CTNNA3: variants seen among roughly 807,000 people sequenced by gnomAD.
CTNNA3 encodes the protein catenin alpha-3.
A neutral mutation model predicts 95.7 loss-of-function variants in CTNNA3; 76 were observed. That is an observed-to-expected ratio of 0.79 (90% confidence interval 0.66 to 0.96). The LOEUF (loss-of-function observed/expected upper bound fraction) is 0.96. CTNNA3 is among the 40% of genes least tolerant of loss of function. CTNNA3 has a pLI of 0.00. For synonymous variants in CTNNA3, 431 were observed against 374.4 expected (o/e 1.15, Z -1.74); for missense variants, 1,191 against 1,089.8 (o/e 1.09, Z -1.31).
chr10:66,743,974 C>CAAAAAAAAA lies in CTNNA3; in HGVS notation c.1281+22281_1281+22289dup, dbSNP rs536825430. ...CTGGTGACACAGTGAGATTCCATCT[C>CAAAAAAAAA]AAAAAAAAAAAAAAAAAAAAAAAAA... is the stretch of plus-strand genomic sequence containing the variant. On this transcript the variant is annotated intron_variant, in intron 9 of 17. Transcript: ENST00000433211. Among the ~76,000 whole-genome samples the CAAAAAAAAA allele has an allele frequency of 4.4e-5, 2 of 45,058 alleles. 1 individual carries two copies. The highest frequency in any genetic ancestry group is 8.5e-5 in the Non-Finnish European group (2 of 23,492). The allele number at this position is 45,058 out of a possible 152,430, so 29.6% of individuals were successfully genotyped here.
At chr10:67,346,717 C>A (rs768488085) in intron 5 of CTNNA3, 1 of 511,956 alleles carries the variant, frequency 2.0e-6, no homozygotes, top group Non-Finnish European at 3.9e-6. Context: ...TAGAAATAAT[C>A]CAAATTTCTT....
At chr10:65,922,320 A>G (rs2077100290) in intron 17 of CTNNA3, among the ~76,000 whole-genome samples, 1 of 152,142 alleles carries the variant, frequency 6.6e-6, no homozygotes, top group Non-Finnish European at 1.5e-5. Context: ...CAGGAGCAAT[A>G]GAGTATCTTA....
chr10:66,801,206 A>G (rs1433405992), intron 7 of CTNNA3, among the ~76,000 whole-genome samples: 2 of 151,472 alleles, frequency 1.3e-5, no homozygotes, highest in Non-Finnish European at 3.0e-5. Flanking sequence ...TGTCTCACAC[A>G]TCGTGATTTA....
At chr10:65,994,945 GCT>G (rs1564565779) in intron 15 of CTNNA3, among the ~76,000 whole-genome samples, 1 of 151,992 alleles carries the variant, frequency 6.6e-6, no homozygotes, top group South Asian at 2.1e-4. Flanking sequence ...TGTTGTTGAA[GCT>G]CTCACATGAA....
intron 9 of CTNNA3, among the ~76,000 whole-genome samples, chr10:66,651,749 C>T (rs545036842): frequency 9.5e-4 from 144 of 151,160 alleles, no homozygotes; most frequent in African/African-American, 2.5e-3. Context: ...TGCTGGCCTG[C>T]GGCTCCGAGT....
At chr10:67,627,951 G>A (rs1839012169) in intron 2 of CTNNA3, among the ~76,000 whole-genome samples, 1 of 151,674 alleles carries the variant, frequency 6.6e-6, no homozygotes, top group African/African-American at 2.4e-5. Flanking sequence ...TTGAGAAAAA[G>A]CAATTTCATA....
At chr10:67,393,908 C>G (rs1043390663) in intron 5 of CTNNA3, among the ~76,000 whole-genome samples, 2 of 152,142 alleles carry the variant, frequency 1.3e-5, no homozygotes, top group African/African-American at 4.8e-5. Flanking sequence ...AAAACTAGCA[C>G]AGCTCAATTC....
chr10:65,989,275 ACAAT>A (rs371868921), intron 15 of CTNNA3, among the ~76,000 whole-genome samples: 10 of 152,264 alleles, frequency 6.6e-5, no homozygotes, highest in South Asian at 2.1e-4. Flanking sequence ...TGAAAAGAGC[ACAAT>A]CAGACTCCAG....
chr10:67,680,685 G>C (rs1306956770), intron 1 of CTNNA3, among the ~76,000 whole-genome samples: 1 of 152,146 alleles, frequency 6.6e-6, no homozygotes, highest in Non-Finnish European at 1.5e-5. Flanking sequence ...CAAAAACCCT[G>C]GCTAAGGTAC....
intron 7 of CTNNA3, among the ~76,000 whole-genome samples, chr10:66,905,374 T>C (rs1453885965): frequency 6.6e-6 from 1 of 151,696 alleles, no homozygotes; most frequent in Admixed American, 6.6e-5. Context: ...CTATTGGGGG[T>C]TGGAGGACTG....
intron 3 of CTNNA3, among the ~76,000 whole-genome samples, chr10:67,581,069 GC>G: frequency 6.6e-6 from 1 of 152,054 alleles, no homozygotes; most frequent in Non-Finnish European, 1.5e-5. Context: ...TTGCCTGATT[GC>G]CCTGGCCAGA....
chr10:66,864,088 C>A (rs749407195), intron 7 of CTNNA3, among the ~76,000 whole-genome samples: 3 of 151,914 alleles, frequency 2.0e-5, no homozygotes, highest in African/African-American at 4.8e-5. Flanking sequence ...TTTTCTATGC[C>A]ATTATTGTTT....
intron 12 of CTNNA3, among the ~76,000 whole-genome samples, chr10:66,360,766 TC>T (rs2092659810): frequency 7.8e-6 from 1 of 128,780 alleles, no homozygotes; most frequent in Non-Finnish European, 1.6e-5. Context: ...CTTCCTTCCT[TC>T]CTTTTCTTTC....
intron 1 of CTNNA3, among the ~76,000 whole-genome samples, chr10:67,702,467 GA>G (rs1841047145): frequency 6.6e-6 from 1 of 152,158 alleles, no homozygotes; most frequent in South Asian, 2.1e-4. Context: ...TCAAGATTAA[GA>G]AACTCATTCA....
chr10:66,962,913 G>C (rs1032209885), intron 7 of CTNNA3, among the ~76,000 whole-genome samples: 1 of 152,028 alleles, frequency 6.6e-6, no homozygotes, highest in Non-Finnish European at 1.5e-5. Flanking sequence ...TTTTTGCCTG[G>C]TATGTTCACA....
At chr10:66,770,913 T>A (rs1840063387) in intron 8 of CTNNA3, among the ~76,000 whole-genome samples, 1 of 152,064 alleles carries the variant, frequency 6.6e-6, no homozygotes, top group Non-Finnish European at 1.5e-5. Flanking sequence ...TTAAATCAAA[T>A]AGCAAAATGT....
intron 1 of CTNNA3, among the ~76,000 whole-genome samples, chr10:67,668,832 CTTTTTTTTTTTTTT>C (rs869150567): frequency 1.1e-5 from 1 of 90,108 alleles, no homozygotes; most frequent in Admixed American, 1.3e-4. Flanking sequence ...TACTGTGTTT[CTTTTTTTTTTTTTT>C]TTTTTTTTTT....
intron 10 of CTNNA3, among the ~76,000 whole-genome samples, chr10:66,572,104 C>T (rs1843668): frequency 0.38 from 57,568 of 151,762 alleles, 11,536 homozygotes; most frequent in Admixed American, 0.44. Flanking sequence ...GATATGAGGC[C>T]GGGAGTGGTG....
intron 11 of CTNNA3, among the ~76,000 whole-genome samples, chr10:66,508,210 G>GTTTTTTTTTTTTTTTTTTTTT (rs756807793): frequency 3.7e-5 from 4 of 108,416 alleles, no homozygotes; most frequent in African/African-American, 1.4e-4. Context: ...TTTGTTTTCT[G>GTTTTTTTTTTTTTTTTTTTTT]TTTTTTTTTT....
Sources: gnomAD v4.1 joint callset for allele counts (sites outside exome capture counted in the v4.1 genomes callset) on GRCh38, gnomAD v4.1.1 for gene constraint, MANE v1.5 for transcripts, NCBI Gene and HGNC (gene_info 2026-07-23, HGNC 2026-07-21) for gene names.